The following SNTG1 variants were observed in gnomAD, a reference collection of about 807,000 sequenced individuals.
SNTG1 encodes syntrophin gamma 1.
SNTG1 carries 39 observed loss-of-function variants against 74.7 expected under a neutral mutation model. The ratio of observed to expected loss-of-function variants is 0.52; its 90% CI spans 0.40 to 0.68. The LOEUF is 0.68. Among genes scored for constraint, SNTG1 ranks in the 30% least tolerant of loss-of-function variants. The probability of loss-of-function intolerance (pLI) is 0.00; values close to 1 mark genes in which losing one functional copy is unlikely to be tolerated. For synonymous variants in SNTG1, 254 were observed against 217.1 expected (o/e 1.17, Z -1.49); for missense variants, 685 against 609.5 (o/e 1.12, Z -1.30).
At chr8:50,213,005 TA>T (rs1411785543) in intron 2 of SNTG1, among the ~76,000 whole-genome samples, 1 of 152,204 alleles carries the variant, frequency 6.6e-6, no homozygotes, top group Non-Finnish European at 1.5e-5. Flanking sequence ...CATTTGGAAA[TA>T]ACATTTCTTC....
intron 1 of SNTG1, among the ~76,000 whole-genome samples, chr8:49,963,048 T>G (rs1351196803): frequency 1.3e-5 from 2 of 152,342 alleles, no homozygotes; most frequent in African/African-American, 4.8e-5. Context: ...ACCGTCTCCT[T>G]GCAGTTTCAT....
chr8:50,145,194 T>C (rs1482979628), intron 1 of SNTG1, among the ~76,000 whole-genome samples: 3 of 152,076 alleles, frequency 2.0e-5, no homozygotes. Context: ...GGGAGCCTCA[T>C]TGGAATGGAT....
At chr8:50,626,609 G>T (rs965301086) in intron 13 of SNTG1, among the ~76,000 whole-genome samples, 2 of 152,180 alleles carry the variant, frequency 1.3e-5, no homozygotes, top group Non-Finnish European at 2.9e-5. Flanking sequence ...CCAAACAAAG[G>T]GATTGCCTCT....
chr8:50,360,662 A>G (rs545247582), intron 2 of SNTG1, among the ~76,000 whole-genome samples: 1 of 152,300 alleles, frequency 6.6e-6, no homozygotes, highest in South Asian at 2.1e-4. Context: ...TCCACAGCAC[A>G]TTACTATATT....
intron 2 of SNTG1, among the ~76,000 whole-genome samples, chr8:50,201,533 T>C (rs2083986396): frequency 6.6e-6 from 1 of 152,116 alleles, no homozygotes; most frequent in South Asian, 2.1e-4. Flanking sequence ...TATGGAGCAC[T>C]TTCTTCCTTT....
intron 1 of SNTG1, among the ~76,000 whole-genome samples, chr8:49,979,627 T>A (rs1412822057): frequency 6.6e-6 from 1 of 152,138 alleles, no homozygotes; most frequent in East Asian, 1.9e-4. Flanking sequence ...ACCTAGCTTG[T>A]CGTCGCGCTC....
At chr8:50,444,355 T>C (rs2093385818) in intron 5 of SNTG1, among the ~76,000 whole-genome samples, 1 of 152,184 alleles carries the variant, frequency 6.6e-6, no homozygotes, top group African/African-American at 2.4e-5. Flanking sequence ...ATGGACGTGC[T>C]TGCATACATT....
At chr8:50,209,311 C>A (rs2084397135) in intron 2 of SNTG1, among the ~76,000 whole-genome samples, 4 of 152,154 alleles carry the variant, frequency 2.6e-5, no homozygotes, top group Admixed American at 1.3e-4. Flanking sequence ...CATAGCTGAA[C>A]AAAAGGCAAC....
chr8:50,695,369 A>G (rs1200755855), intron 15 of SNTG1, among the ~76,000 whole-genome samples: 1 of 152,018 alleles, frequency 6.6e-6, no homozygotes, highest in Non-Finnish European at 1.5e-5. Context: ...GCTTAGCAAT[A>G]GACTGTTTCT....
intron 15 of SNTG1, among the ~76,000 whole-genome samples, chr8:50,698,812 T>A (rs1370678817): frequency 6.6e-6 from 1 of 152,090 alleles, no homozygotes; most frequent in Non-Finnish European, 1.5e-5. Context: ...AGAAAAGTCA[T>A]GGTGCTCTAC....
intron 2 of SNTG1, among the ~76,000 whole-genome samples, chr8:50,383,252 C>T (rs1322916745): frequency 6.6e-6 from 1 of 152,116 alleles, no homozygotes; most frequent in Non-Finnish European, 1.5e-5. Flanking sequence ...ATACAACAGT[C>T]CTTTGTATAA....
intron 17 of SNTG1, among the ~76,000 whole-genome samples, chr8:50,744,887 C>G (rs947396301): frequency 6.6e-6 from 1 of 151,950 alleles, no homozygotes; most frequent in African/African-American, 2.4e-5. Flanking sequence ...TTATACCATA[C>G]TCAAAAATTA....
At position 50,268,331 on chromosome 8, in the gene SNTG1, G is replaced by A. The variant is rs540780208; in HGVS notation, c.-28+95696G>A. On this transcript the variant is annotated intron_variant, in intron 2 of 18. Transcript: ENST00000642720. ...ATGGAAGATTCAGCACAGTAAAGGTGCCAATTCATTCTCAAATTAATCTAT... is the reference window on the plus strand; with the variant it reads ...ATGGAAGATTCAGCACAGTAAAGGTACCAATTCATTCTCAAATTAATCTAT... Among the ~76,000 whole-genome samples the A allele has an allele frequency of 1.5e-4, 23 of 152,232 alleles. No homozygotes were observed. In the South Asian group the frequency reaches 4.8e-3, roughly 32 times the overall value.
intron 1 of SNTG1, among the ~76,000 whole-genome samples, chr8:50,134,292 T>A (rs941870581): frequency 6.6e-6 from 1 of 152,178 alleles, no homozygotes; most frequent in African/African-American, 2.4e-5. Flanking sequence ...TGAACAAATC[T>A]GCGTGGTTAA....
At chr8:50,749,205 T>C (rs563402769) in intron 17 of SNTG1, among the ~76,000 whole-genome samples, 3 of 152,150 alleles carry the variant, frequency 2.0e-5, no homozygotes, top group South Asian at 2.1e-4. Context: ...ATGGTATGGA[T>C]AGATCAAACC....
At chr8:50,626,058 A>G (rs2094954225) in intron 13 of SNTG1, among the ~76,000 whole-genome samples, 1 of 152,204 alleles carries the variant, frequency 6.6e-6, no homozygotes, top group South Asian at 2.1e-4. Flanking sequence ...TGAGAATTCA[A>G]ACCCAGGTTT....
chr8:50,762,658 G>A (rs759853499), intron 18 of SNTG1: 1 of 457,524 alleles, frequency 2.2e-6, no homozygotes, highest in Non-Finnish European at 4.4e-6. Context: ...CTGTGTAAGA[G>A]AATCCAACAG....
chr8:50,256,069 T>A (rs868302714), intron 2 of SNTG1, among the ~76,000 whole-genome samples: 12 of 152,348 alleles, frequency 7.9e-5, no homozygotes, highest in African/African-American at 2.4e-4. Context: ...TTTCTGACAC[T>A]GCCTTGTTGC....
At chr8:50,231,082 G>A (rs2085598758) in intron 2 of SNTG1, among the ~76,000 whole-genome samples, 1 of 151,036 alleles carries the variant, frequency 6.6e-6, no homozygotes, top group African/African-American at 2.4e-5. Flanking sequence ...AAATGGGCAA[G>A]GAAACTGAAT....
Sources: allele counts gnomAD v4.1 joint callset (sites outside exome capture counted in the v4.1 genomes callset), GRCh38; gene constraint gnomAD v4.1.1; transcripts MANE v1.5; gene names NCBI Gene and HGNC (gene_info 2026-07-23, HGNC 2026-07-21).